DCBLD1: variants seen among roughly 807,000 people sequenced by gnomAD.
The protein encoded by DCBLD1 is discoidin, CUB and LCCL domain-containing protein 1.
DCBLD1 carries 57 observed loss-of-function variants against 71.5 expected under a neutral mutation model. The ratio of observed to expected loss-of-function variants is 0.80; its 90% CI spans 0.64 to 0.99. The LOEUF (loss-of-function observed/expected upper bound fraction) is 0.99, where lower values mean the gene tolerates loss of function less well. Ranked by LOEUF, DCBLD1 falls within the 50% of genes least tolerant of loss-of-function variation. The pLI is 0.00. For synonymous variants in DCBLD1, 380 were observed against 363.8 expected (o/e 1.04, Z -0.51); for missense variants, 891 against 923.5 (o/e 0.96, Z 0.46).
In DCBLD1 at chr6:117,548,504, G is replaced by A; in HGVS notation, c.*65G>A. ...GGCTGTCACAAGGCACTGGAAGAAG[G>A]GAGCCTGCTGGTCCAGAGTGTGCGT... On this transcript the variant is annotated 3_prime_UTR_variant, in exon 15 of 15. Coordinates refer to ENST00000338728, the MANE Select transcript of DCBLD1 (RefSeq NM_001366458.2). 2.6e-6 allele frequency: 4 copies of A among 1,540,776 alleles called. No homozygotes were observed. Among genetic ancestry groups the A allele is most frequent in the Non-Finnish European group, 3.5e-6 (4 of 1,145,072 alleles).
chr6:117,542,293 TAA>T (rs369280303), intron 11 of DCBLD1, among the ~76,000 whole-genome samples: 27 of 139,908 alleles, frequency 1.9e-4, no homozygotes, highest in Admixed American at 2.9e-4. Flanking sequence ...CTCCATCTCT[TAA>T]AAAAAAAAAA....
At chr6:117,505,439 C>G (rs1582982268) in intron 2 of DCBLD1, among the ~76,000 whole-genome samples, 2 of 151,968 alleles carry the variant, frequency 1.3e-5, no homozygotes, top group Non-Finnish European at 2.9e-5. Context: ...CTTTTCCACA[C>G]GGGTCTCTTG....
chr6:117,503,934 T>G lies in DCBLD1; in HGVS notation c.280T>G (p.Cys94Gly), dbSNP rs771773442. 2.5e-6 allele frequency: 4 copies of G among 1,614,062 alleles called. No homozygotes were observed. Among genetic ancestry groups the G allele is most frequent in the African/African-American group, 1.3e-5 (1 of 74,938 alleles). ...LGDLDIESQT[C>G]ASDYLLFTSS... ...AGATTTGGATATCGAATCCCAGACCTGTGCTTCTGACTATCTTCTCTTCAC... is the reference window on the plus strand; with the variant it reads ...AGATTTGGATATCGAATCCCAGACCGGTGCTTCTGACTATCTTCTCTTCAC... The change falls in exon 2 of 15, where the codon TGT becomes GGT. Residue 94 changes from cysteine to glycine, a missense_variant. By Grantham distance (159) the Cys-to-Gly change is radical. Transcript: ENST00000338728.
intron 6 of DCBLD1, among the ~76,000 whole-genome samples, chr6:117,533,685 G>A (rs755461132): frequency 5.9e-5 from 9 of 152,294 alleles, no homozygotes; most frequent in African/African-American, 2.2e-4. Flanking sequence ...TATGATTGAG[G>A]TTGTTGGCCC....
In DCBLD1 at chr6:117,547,995, A is replaced by G; in HGVS notation, c.1704A>G (p.Ala568=). Residue 568 remains alanine, a synonymous_variant, in exon 15 of 15, where the codon GCA becomes GCG. Coordinates refer to ENST00000338728, the MANE Select transcript of DCBLD1 (RefSeq NM_001366458.2). ...CCATGGACACGGATGCCGAGGAGGCAGGGGTGAGCACCGATGCCGGCGGCC... is the reference window on the plus strand; with the variant it reads ...CCATGGACACGGATGCCGAGGAGGCGGGGGTGAGCACCGATGCCGGCGGCC... ...FRPMDTDAEE[A]GVSTDAGGHY... 6.4e-7 allele frequency: 1 copy of G among 1,550,516 alleles called. No individual in the cohort carries two copies. The highest frequency in any genetic ancestry group is 8.7e-7 in the Non-Finnish European group (1 of 1,146,922).
chr6:117,535,064 G>A (rs1778840720), intron 6 of DCBLD1, among the ~76,000 whole-genome samples: 1 of 152,102 alleles, frequency 6.6e-6, no homozygotes, highest in Non-Finnish European at 1.5e-5. Flanking sequence ...TTTCATCTGT[G>A]TTGTTTTACT....
chr6:117,525,207 G>C (rs918521734), intron 4 of DCBLD1, among the ~76,000 whole-genome samples, 155 bp from the exon 5 acceptor site: 5 of 152,074 alleles, frequency 3.3e-5, no homozygotes, highest in African/African-American at 1.2e-4. Flanking sequence ...GAACATTATA[G>C]ATCAATCTGT....
At chr6:117,482,986 G>C in intron 1 of DCBLD1, 93 bp downstream of exon 1, 1 of 693,828 alleles carries the variant, frequency 1.4e-6, no homozygotes, top group East Asian at 1.2e-4. Context: ...GAGGGCTACG[G>C]GGCGGGCCGG....
chr6:117,528,205 A>G (rs1231260040), intron 5 of DCBLD1, among the ~76,000 whole-genome samples: 1 of 152,232 alleles, frequency 6.6e-6, no homozygotes, highest in Non-Finnish European at 1.5e-5. Flanking sequence ...GGTAATGACA[A>G]TATGAGTGAT....
At chr6:117,562,979 A>G in intron 14 of DCBLD1, 1 of 376,308 alleles carries the variant, frequency 2.7e-6, no homozygotes, top group East Asian at 4.5e-5. Flanking sequence ...TTGGTACTTA[A>G]GAGCCCAGTA....
At chr6:117,564,485 A>G (rs1359216139) in intron 14 of DCBLD1, among the ~76,000 whole-genome samples, 1 of 152,236 alleles carries the variant, frequency 6.6e-6, no homozygotes, top group African/African-American at 2.4e-5. Context: ...ACGAATTCTG[A>G]TCATCTATAA....
chr6:117,489,691 T>C (rs941305387), intron 1 of DCBLD1, among the ~76,000 whole-genome samples: 2 of 152,014 alleles, frequency 1.3e-5, no homozygotes, highest in African/African-American at 4.8e-5. Context: ...AAGACCATCA[T>C]GGTCTAACTC....
At chr6:117,551,504 C>T (rs763645942), downstream of DCBLD1, among the ~76,000 whole-genome samples, 2 of 151,998 alleles carry the variant, frequency 1.3e-5, no homozygotes, top group African/African-American at 2.4e-5. Context: ...CTCAGCCTCC[C>T]GAGTAGCTAG....
chr6:117,503,580 CAA>C (rs1361833043), intron 1 of DCBLD1, 185 bp from the exon 2 acceptor site: 11 of 606,604 alleles, frequency 1.8e-5, no homozygotes, highest in Middle Eastern at 8.3e-4. Context: ...AACTGGAAAA[CAA>C]GAGATGAAAT....
At chr6:117,533,557 A>T (rs1182149620) in intron 6 of DCBLD1, among the ~76,000 whole-genome samples, 1 of 152,216 alleles carries the variant, frequency 6.6e-6, no homozygotes, top group Non-Finnish European at 1.5e-5. Flanking sequence ...GCAATGTCAT[A>T]GGTCAAATAG....
chr6:117,524,254 C>T (rs1165618318), intron 4 of DCBLD1, among the ~76,000 whole-genome samples: 1 of 149,874 alleles, frequency 6.7e-6, no homozygotes, highest in Non-Finnish European at 1.5e-5. Flanking sequence ...GGCTGGAGTA[C>T]AGTGGCGCAA....
chr6:117,520,933 A>G (rs1439096872), intron 3 of DCBLD1, among the ~76,000 whole-genome samples: 5 of 152,252 alleles, frequency 3.3e-5, no homozygotes, highest in Non-Finnish European at 5.9e-5. Context: ...AAACCATACT[A>G]TGTTGATCTA....
At chr6:117,542,850 G>T (rs1263907456) in intron 11 of DCBLD1, among the ~76,000 whole-genome samples, 1 of 152,012 alleles carries the variant, frequency 6.6e-6, no homozygotes, top group Non-Finnish European at 1.5e-5. Context: ...GTTTAATATG[G>T]GCCAAGCAAC....
chr6:117,539,597 A>T (rs1039582532), intron 9 of DCBLD1: 39 of 368,436 alleles, frequency 1.1e-4, no homozygotes, highest in African/African-American at 7.3e-4. Flanking sequence ...ACAAAAAAAA[A>T]TTTTTAATTA....
Sources: allele counts gnomAD v4.1 joint callset (sites outside exome capture counted in the v4.1 genomes callset), GRCh38; gene constraint gnomAD v4.1.1; transcripts MANE v1.5; gene names NCBI Gene and HGNC (gene_info 2026-07-23, HGNC 2026-07-21).